Variants in EYS observed in about 807,000 individuals in gnomAD.
The protein encoded by EYS is EGF-like photoreceptor maintenance factor.
In EYS, 250 loss-of-function variants were observed where a neutral mutation model predicts 282.1. The ratio of observed to expected loss-of-function variants is 0.89; its 90% CI spans 0.80 to 0.98. EYS has a LOEUF of 0.98. EYS is among the 50% of genes least tolerant of loss of function. The probability of loss-of-function intolerance (pLI) is 0.00; values close to 1 mark genes in which losing one functional copy is unlikely to be tolerated. For missense variants in EYS, 4,016 were observed against 3,709.0 expected, an observed-to-expected ratio of 1.08 and a Z score of -2.15; for synonymous variants, 1,355 against 1,282.9, an observed-to-expected ratio of 1.06 and a Z score of -1.20.
intron 36 of EYS, among the ~76,000 whole-genome samples, chr6:63,859,113 A>ATTTTTTTTT (rs1772472455): frequency 1.7e-5 from 1 of 59,058 alleles, no homozygotes; most frequent in African/African-American, 9.7e-5. Context: ...TTTTTTTTTA[A>ATTTTTTTTT]TAGCTGGGAT....
At chr6:64,992,096 C>T (rs560690651) in intron 14 of EYS, among the ~76,000 whole-genome samples, 2 of 151,892 alleles carry the variant, frequency 1.3e-5, no homozygotes, top group African/African-American at 4.8e-5. Flanking sequence ...AAGCAACTCC[C>T]TATTTTAGAA....
At chr6:63,949,485 A>G (rs1765500450) in intron 35 of EYS, among the ~76,000 whole-genome samples, 1 of 152,174 alleles carries the variant, frequency 6.6e-6, no homozygotes, top group Admixed American at 6.5e-5. Flanking sequence ...TTCAGTTCTC[A>G]GGACTGGGTT....
chr6:64,470,002 G>A (rs1776070194), intron 26 of EYS, among the ~76,000 whole-genome samples: 1 of 152,146 alleles, frequency 6.6e-6, no homozygotes, highest in South Asian at 2.1e-4. Context: ...TGCCAGGCAG[G>A]GAAGGGCCCC....
intron 12 of EYS, among the ~76,000 whole-genome samples, chr6:65,181,041 C>T (rs1386714337): frequency 1.3e-5 from 2 of 151,402 alleles, no homozygotes; most frequent in Non-Finnish European, 2.9e-5. Flanking sequence ...CCTTACACCT[C>T]ATACAAAAAT....
At chr6:64,730,439 A>T (rs1303007875) in intron 22 of EYS, among the ~76,000 whole-genome samples, 2 of 152,160 alleles carry the variant, frequency 1.3e-5, no homozygotes, top group African/African-American at 4.8e-5. Flanking sequence ...AGATTGCATG[A>T]CTGAATATCT....
intron 12 of EYS, among the ~76,000 whole-genome samples, chr6:65,149,709 C>G (rs181452952): frequency 1.5e-4 from 23 of 152,250 alleles, no homozygotes; most frequent in Admixed American, 3.3e-4. Context: ...TCTGAGCCCT[C>G]CAAACTATTC....
intron 22 of EYS, among the ~76,000 whole-genome samples, chr6:64,628,920 C>T (rs192541548): frequency 4.6e-4 from 70 of 152,240 alleles, no homozygotes; most frequent in African/African-American, 1.6e-3. Context: ...TTGTTAACAT[C>T]GTACATTCAC....
At chr6:64,935,612 G>T (rs753075720) in intron 15 of EYS, among the ~76,000 whole-genome samples, 8 of 151,472 alleles carry the variant, frequency 5.3e-5, no homozygotes, top group Non-Finnish European at 1.0e-4. Flanking sequence ...ACAAGAATCA[G>T]AAATGAAAGA....
chr6:64,867,629 G>A (rs1215384298), intron 19 of EYS, among the ~76,000 whole-genome samples: 1 of 151,634 alleles, frequency 6.6e-6, no homozygotes, highest in Non-Finnish European at 1.5e-5. Context: ...GATGGCAGGA[G>A]TTATGTTCTA....
chr6:65,344,503 G>C (rs1227449968), intron 9 of EYS, among the ~76,000 whole-genome samples: 1 of 151,408 alleles, frequency 6.6e-6, no homozygotes, highest in Non-Finnish European at 1.5e-5. Context: ...AAAGAACACT[G>C]TCCTATAACA....
chr6:64,152,264 T>A (rs1479858064), intron 31 of EYS, among the ~76,000 whole-genome samples: 4 of 152,186 alleles, frequency 2.6e-5, no homozygotes, highest in Non-Finnish European at 5.9e-5. Flanking sequence ...CCAAATATAA[T>A]GTTTAGATTA....
chr6:65,146,667 T>G (rs939535510), intron 12 of EYS, among the ~76,000 whole-genome samples: 2 of 151,978 alleles, frequency 1.3e-5, no homozygotes, highest in African/African-American at 4.8e-5. Context: ...AACTATTGGT[T>G]TCTTTTACAA....
At chr6:63,975,452 A>G (rs572650833) in intron 35 of EYS, among the ~76,000 whole-genome samples, 2 of 152,184 alleles carry the variant, frequency 1.3e-5, no homozygotes, top group East Asian at 3.9e-4. Flanking sequence ...GAAAAAAAGA[A>G]AAACAGAAAA....
intron 2 of EYS, among the ~76,000 whole-genome samples, chr6:65,569,342 C>T (rs1174673999): frequency 6.6e-6 from 1 of 152,106 alleles, no homozygotes; most frequent in Non-Finnish European, 1.5e-5. Flanking sequence ...CCCGCCTGCA[C>T]CCAGATGAAA....
At chr6:65,636,238 G>C (rs1586657) in intron 2 of EYS, among the ~76,000 whole-genome samples, 79,962 of 152,006 alleles carry the variant, frequency 0.53, 22,268 homozygotes, top group Non-Finnish European at 0.61. Context: ...AAACAGAAGC[G>C]AAAATCTTTG....
chr6:64,263,475 T>C (rs1767655371), intron 30 of EYS, among the ~76,000 whole-genome samples: 1 of 152,114 alleles, frequency 6.6e-6, no homozygotes, highest in South Asian at 2.1e-4. Context: ...TAATAACTTT[T>C]TGAATTTGAT....
In EYS at chr6:63,885,416, G is replaced by A. The variant is rs1773239128; in HGVS notation, c.7056-21058C>T. On this transcript the variant is annotated intron_variant, in intron 35 of 42. Transcript: ENST00000503581. ...TTAAGGACTCTTCCAGTGCCAACATGTCAATGATACTCATGGCCAATGAGT... is the reference window on the plus strand; with the variant it reads ...TTAAGGACTCTTCCAGTGCCAACATATCAATGATACTCATGGCCAATGAGT... Among the ~76,000 whole-genome samples the A allele has an allele frequency of 2.0e-5, 3 of 152,228 alleles. No individual in the cohort carries two copies. The South Asian group carries it at 6.2e-4, about 32-fold the overall frequency.
intron 41 of EYS, among the ~76,000 whole-genome samples, chr6:63,758,447 A>T (rs1355471292): frequency 5.9e-5 from 9 of 151,996 alleles, no homozygotes. Context: ...GTAATCTAAC[A>T]CTTTTTTTCT....
At chr6:64,693,693 T>C (rs1770477933) in intron 22 of EYS, among the ~76,000 whole-genome samples, 2 of 152,130 alleles carry the variant, frequency 1.3e-5, no homozygotes, top group Non-Finnish European at 2.9e-5. Context: ...AAAAATGCCT[T>C]CATGTCTTGA....
Sources: allele counts gnomAD v4.1 joint callset (sites outside exome capture counted in the v4.1 genomes callset), GRCh38; gene constraint gnomAD v4.1.1; transcripts MANE v1.5; gene names NCBI Gene and HGNC (gene_info 2026-07-23, HGNC 2026-07-21).